The following KCNMA1 variants were observed in gnomAD, a reference collection of about 807,000 sequenced individuals.
KCNMA1 encodes Calcium-activated potassium channel subunit alpha-1.
In KCNMA1, 29 loss-of-function variants were observed where a neutral mutation model predicts 140.0. That is an observed-to-expected ratio of 0.21 (90% CI 0.15 to 0.28). The LOEUF is 0.28. Among genes scored for constraint, KCNMA1 ranks in the 10% least tolerant of loss-of-function variants. The probability of loss-of-function intolerance (pLI) is 1.00; values close to 1 mark genes in which losing one functional copy is unlikely to be tolerated. For missense variants in KCNMA1, 880 were observed against 1,602.2 expected (o/e 0.55, Z 7.70); for synonymous variants, 612 against 611.9 (o/e 1.00, Z 0.00).
At chr10:77,539,959 G>A (rs923699556) in intron 1 of KCNMA1, among the ~76,000 whole-genome samples, 1 of 152,188 alleles carries the variant, frequency 6.6e-6, no homozygotes, top group African/African-American at 2.4e-5. Flanking sequence ...AAGAGCTGCT[G>A]TTTCTTTTTT....
downstream of KCNMA1, chr10:76,883,884 G>A (rs1458945511): frequency 2.4e-6 from 1 of 416,450 alleles, no homozygotes; most frequent in East Asian, 1.6e-4. Context: ...ACTCTATTAA[G>A]GAAAGTATAA....
At chr10:77,246,272 G>A (rs2058522226) in intron 3 of KCNMA1, among the ~76,000 whole-genome samples, 1 of 152,224 alleles carries the variant, frequency 6.6e-6, no homozygotes, top group African/African-American at 2.4e-5. Context: ...CTTGGGCTAT[G>A]CCTGCAGCTT....
At chr10:77,338,282 T>G (rs2089866334) in intron 2 of KCNMA1, among the ~76,000 whole-genome samples, 4 of 152,198 alleles carry the variant, frequency 2.6e-5, no homozygotes. Context: ...CTGCCTTTTA[T>G]ATACCCATCT....
At chr10:77,280,690 C>CT (rs36008118) in intron 2 of KCNMA1, among the ~76,000 whole-genome samples, 4,994 of 134,238 alleles carry the variant, frequency 0.037, 306 homozygotes, top group African/African-American at 0.13. Context: ...CCATGCCTGG[C>CT]TTTTTTTTTT....
chr10:76,910,904 C>T (rs995120922), intron 24 of KCNMA1: 2 of 152,282 alleles, frequency 1.3e-5, no homozygotes, highest in African/African-American at 4.8e-5. Flanking sequence ...TACGTGCAGG[C>T]TGATTAGTTG....
rs1555163887 is a variant in KCNMA1, at chr10:77,296,912, C to CG, written c.541-45657dup. Among the ~76,000 whole-genome samples the CG allele has an allele frequency of 8.8e-5, 12 of 136,696 alleles. No individual in the cohort carries two copies. In the East Asian group the frequency reaches 9.6e-4, roughly 11 times the overall value. 89.7% of individuals were successfully genotyped at this position (136,696 alleles called of 152,430 possible). Reference sequence around the variant, plus strand: ...TAAGAGGAATGCCTGGGTGTGTGGGCGGGGGGGCGGTGGGGGAATGTAGAG... The same window carrying CG: ...TAAGAGGAATGCCTGGGTGTGTGGGCGGGGGGGGCGGTGGGGGAATGTAGAG... On this transcript the variant is annotated intron_variant, in intron 2 of 27. Coordinates refer to ENST00000286628, the MANE Select transcript of KCNMA1 (RefSeq NM_001161352.2).
chr10:76,963,659 T>C (rs76758043), intron 20 of KCNMA1, among the ~76,000 whole-genome samples: 24,615 of 152,202 alleles, frequency 0.16, 2,590 homozygotes, highest in Non-Finnish European at 0.24. Context: ...CAACACTTGA[T>C]TCTTGATGGG....
intron 3 of KCNMA1, among the ~76,000 whole-genome samples, chr10:77,232,097 G>T (rs1352482194): frequency 6.6e-6 from 1 of 152,212 alleles, no homozygotes. Flanking sequence ...CACATATGTT[G>T]TGGCATGTTT....
chr10:77,224,290 AAC>A (rs1206438134), intron 3 of KCNMA1, among the ~76,000 whole-genome samples: 2 of 152,236 alleles, frequency 1.3e-5, no homozygotes, highest in Non-Finnish European at 2.9e-5. Context: ...ATTCCTTCTG[AAC>A]AGTTTCTAAA....
rs192691767 is a variant in KCNMA1 at position 77,018,333 on chromosome 10, C to T, written c.2015+680G>A. On this transcript the variant is annotated intron_variant, in intron 17 of 27. Transcript: ENST00000286628. ...CTGAACATTTGCATCACATTTTCTGCTAGTAAATTTCTCCAAGTTCATAAG... is the reference window on the plus strand; with the variant it reads ...CTGAACATTTGCATCACATTTTCTGTTAGTAAATTTCTCCAAGTTCATAAG... Among the ~76,000 whole-genome samples, 880 of 152,274 alleles carry T rather than the reference C, an allele frequency of 5.8e-3. 13 individuals are homozygous for T. The highest frequency in any genetic ancestry group is 0.021 in the African/African-American group (854 of 41,556).
At chr10:77,193,661 G>A (rs947373172) in intron 3 of KCNMA1, among the ~76,000 whole-genome samples, 2 of 152,108 alleles carry the variant, frequency 1.3e-5, no homozygotes, top group South Asian at 2.1e-4. Context: ...CCCACACAAC[G>A]TGTACACACA....
chr10:77,254,807 CA>C (rs2060389727), intron 2 of KCNMA1, among the ~76,000 whole-genome samples: 1 of 152,088 alleles, frequency 6.6e-6, no homozygotes, highest in Non-Finnish European at 1.5e-5. Context: ...GTTTCAGGGA[CA>C]AGGAGGACAG....
intron 13 of KCNMA1, 118 bp downstream of exon 13, chr10:77,079,363 T>C (rs2153732250): frequency 1.6e-6 from 1 of 635,480 alleles, no homozygotes; most frequent in African/African-American, 2.3e-5. Flanking sequence ...CATGTGGGCA[T>C]GTGAGAGTGT....
At chr10:77,403,416 G>C (rs2096348564) in intron 2 of KCNMA1, among the ~76,000 whole-genome samples, 1 of 152,068 alleles carries the variant, frequency 6.6e-6, no homozygotes, top group African/African-American at 2.4e-5. Context: ...TGCTGCAAGA[G>C]GGGGTCCCTA....
At chr10:76,966,628 C>T (rs561240608) in intron 20 of KCNMA1, among the ~76,000 whole-genome samples, 1 of 152,058 alleles carries the variant, frequency 6.6e-6, no homozygotes, top group African/African-American at 2.4e-5. Context: ...AGGCACCACC[C>T]CACTAAGTAG....
At chr10:77,489,630 C>T (rs755892760) in intron 1 of KCNMA1, among the ~76,000 whole-genome samples, 4 of 152,258 alleles carry the variant, frequency 2.6e-5, no homozygotes, top group South Asian at 4.2e-4. Context: ...TGAGCCACCG[C>T]GCCTGGCCTG....
intron 9 of KCNMA1, among the ~76,000 whole-genome samples, chr10:77,107,978 T>TAGCC (rs964498744): frequency 5.9e-5 from 9 of 152,152 alleles, no homozygotes; most frequent in African/African-American, 2.2e-4. Context: ...TTTTATCACA[T>TAGCC]AGCCAGATGA....
At chr10:77,364,712 A>C (rs2094225651) in intron 2 of KCNMA1, among the ~76,000 whole-genome samples, 1 of 152,200 alleles carries the variant, frequency 6.6e-6, no homozygotes, top group Non-Finnish European at 1.5e-5. Context: ...CTGAGTGGCC[A>C]GGCCTGAATG....
At chr10:76,954,268 T>TGC (rs959071564) in intron 20 of KCNMA1, among the ~76,000 whole-genome samples, 3 of 87,854 alleles carry the variant, frequency 3.4e-5, no homozygotes, top group Admixed American at 9.8e-5. Context: ...CTCCCCAGCG[T>TGC]GCACACACAC....
Sources: allele counts gnomAD v4.1 joint callset (sites outside exome capture counted in the v4.1 genomes callset), GRCh38; gene constraint gnomAD v4.1.1; transcripts MANE v1.5; gene names NCBI Gene and HGNC (gene_info 2026-07-23, HGNC 2026-07-21).